RAD51B: variants seen among roughly 807,000 people sequenced by gnomAD.
RAD51B encodes DNA repair protein RAD51 homolog 2.
RAD51B carries 38 observed loss-of-function variants against 42.2 expected under a neutral mutation model. The ratio of observed to expected loss-of-function variants is 0.90; its 90% CI spans 0.70 to 1.18. The LOEUF is 1.18. RAD51B is among the 50% of genes most tolerant of loss of function. RAD51B has a pLI of 0.00. For missense variants in RAD51B, 373 were observed against 400.7 expected (o/e 0.93, Z 0.59); for synonymous variants, 154 against 145.2 (o/e 1.06, Z -0.43).
At chr14:68,486,308 C>T (rs1248255097) in intron 10 of RAD51B, among the ~76,000 whole-genome samples, 2 of 152,140 alleles carry the variant, frequency 1.3e-5, no homozygotes, top group Non-Finnish European at 2.9e-5. Flanking sequence ...CTAGTCAGTT[C>T]CTCCAGAGCA....
chr14:68,060,863 C>T (rs1317220913), intron 7 of RAD51B, among the ~76,000 whole-genome samples: 2 of 151,962 alleles, frequency 1.3e-5, no homozygotes, highest in Non-Finnish European at 2.9e-5. Flanking sequence ...TTTTTAGTGC[C>T]TTTGTCAAAA....
intron 9 of RAD51B, among the ~76,000 whole-genome samples, chr14:68,450,006 GA>G (rs1465937448): frequency 1.3e-5 from 2 of 152,044 alleles, no homozygotes; most frequent in East Asian, 1.9e-4. Context: ...GAAAGGAGGG[GA>G]AAAAACGGAA....
intron 7 of RAD51B, among the ~76,000 whole-genome samples, chr14:68,200,971 A>G (rs1161379304): frequency 2.6e-5 from 4 of 152,064 alleles, no homozygotes; most frequent in Non-Finnish European, 2.9e-5. Flanking sequence ...TTTTTTCTAT[A>G]ATTGTACAAA....
At chr14:68,571,464 A>T (rs2140040299) in intron 10 of RAD51B, among the ~76,000 whole-genome samples, 1 of 152,234 alleles carries the variant, frequency 6.6e-6, no homozygotes, top group Non-Finnish European at 1.5e-5. Context: ...TCCTTGACTC[A>T]TGGCCCCCTT....
chr14:68,654,189 G>C (rs753236088), intron 11 of RAD51B, among the ~76,000 whole-genome samples: 1 of 152,234 alleles, frequency 6.6e-6, no homozygotes, highest in Non-Finnish European at 1.5e-5. Flanking sequence ...GAGGCAGAAC[G>C]TGCAGGATAT....
At chr14:67,950,934 C>T (rs1005352634) in intron 7 of RAD51B, among the ~76,000 whole-genome samples, 2 of 152,118 alleles carry the variant, frequency 1.3e-5, no homozygotes, top group African/African-American at 4.8e-5. Flanking sequence ...AATGGCTGTC[C>T]TGGTGGAACA....
intron 4 of RAD51B, among the ~76,000 whole-genome samples, chr14:67,845,052 G>A (rs568790445): frequency 6.6e-6 from 1 of 152,148 alleles, no homozygotes; most frequent in Non-Finnish European, 1.5e-5. Context: ...TTGACTCTTT[G>A]TCCAACTTGC....
chr14:68,183,956 G>A (rs1040101326), intron 7 of RAD51B, among the ~76,000 whole-genome samples: 2 of 131,940 alleles, frequency 1.5e-5, no homozygotes, highest in Non-Finnish European at 3.2e-5. Flanking sequence ...GGCGGGCGTG[G>A]TGGCGGGCAC....
At chr14:68,472,265 C>T (rs2086145692) in intron 10 of RAD51B, 1 of 152,364 alleles carries the variant, frequency 6.6e-6, no homozygotes, top group Admixed American at 6.5e-5. Flanking sequence ...CTTAGCAAGC[C>T]CCGAATGTTG....
At chr14:68,431,771 A>T (rs1269558860) in intron 9 of RAD51B, among the ~76,000 whole-genome samples, 1 of 152,052 alleles carries the variant, frequency 6.6e-6, no homozygotes, top group Admixed American at 6.5e-5. Flanking sequence ...CTCCGATCTT[A>T]GTTATTTCTT....
intron 10 of RAD51B, among the ~76,000 whole-genome samples, chr14:68,531,974 G>C (rs541654363): frequency 4.6e-5 from 7 of 152,288 alleles, no homozygotes; most frequent in Non-Finnish European, 7.4e-5. Context: ...GACAGAGAGA[G>C]ACCCTATCTC....
chr14:68,574,705 A>C (rs763855960), intron 10 of RAD51B, among the ~76,000 whole-genome samples: 9 of 152,236 alleles, frequency 5.9e-5, no homozygotes, highest in Admixed American at 1.3e-4. Flanking sequence ...TCCTTGCAGT[A>C]GCAGGTTCTG....
At chr14:68,318,350 C>G (rs2082099028) in intron 8 of RAD51B, among the ~76,000 whole-genome samples, 1 of 152,090 alleles carries the variant, frequency 6.6e-6, no homozygotes, top group Non-Finnish European at 1.5e-5. Flanking sequence ...AGAGTAGTCA[C>G]TGCACCTGAG....
intron 8 of RAD51B, among the ~76,000 whole-genome samples, chr14:68,322,096 A>C (rs568629355): frequency 6.6e-6 from 1 of 152,298 alleles, no homozygotes; most frequent in East Asian, 1.9e-4. Context: ...TTTATAATAC[A>C]CTTAGAACAG....
chr14:68,600,807 T>C (rs997718912), downstream of RAD51B, among the ~76,000 whole-genome samples: 2 of 152,226 alleles, frequency 1.3e-5, no homozygotes, highest in Non-Finnish European at 2.9e-5. Flanking sequence ...GTCATCATCA[T>C]CACCAGAGGT....
intron 7 of RAD51B, among the ~76,000 whole-genome samples, chr14:68,061,324 C>T (rs1181640482): frequency 6.6e-6 from 1 of 152,112 alleles, no homozygotes; most frequent in African/African-American, 2.4e-5. Flanking sequence ...CCACCTTGGC[C>T]TCCCAAAGTG....
intron 7 of RAD51B, among the ~76,000 whole-genome samples, chr14:68,198,809 C>T (rs2140920028): frequency 6.6e-6 from 1 of 152,328 alleles, no homozygotes; most frequent in East Asian, 1.9e-4. Context: ...CCACTTAATG[C>T]TGGAATGCTC....
intron 8 of RAD51B, chr14:68,306,620 T>A (rs781602536): frequency 3.9e-6 from 2 of 515,916 alleles, no homozygotes; most frequent in South Asian, 2.8e-5. Flanking sequence ...GGAAGAAATA[T>A]AACCTTGATC....
chr14:68,052,115 A>C (rs1167980411), intron 7 of RAD51B, among the ~76,000 whole-genome samples: 3 of 152,186 alleles, frequency 2.0e-5, no homozygotes, highest in Admixed American at 6.5e-5. Context: ...AGTCTGCTTC[A>C]GTCACTAGGG....
Sources: gnomAD v4.1 joint callset for allele counts (sites outside exome capture counted in the v4.1 genomes callset) on GRCh38, gnomAD v4.1.1 for gene constraint, MANE v1.5 for transcripts, NCBI Gene and HGNC (gene_info 2026-07-23, HGNC 2026-07-21) for gene names.